ATP2B4: variants seen among roughly 807,000 people sequenced by gnomAD.
ATP2B4 encodes the protein plasma membrane calcium-transporting ATPase 4.
In ATP2B4, 39 loss-of-function variants were observed where a neutral mutation model predicts 110.3. The observed-to-expected ratio is 0.35, with a 90% CI of 0.27 to 0.46. The LOEUF is 0.46. ATP2B4 is among the 20% of genes least tolerant of loss of function. The pLI, the probability that ATP2B4 is intolerant of heterozygous loss-of-function variation, is 1.00. For synonymous variants in ATP2B4, 538 were observed against 571.7 expected, an observed-to-expected ratio of 0.94 and a Z score of 0.84; for missense variants, 1,135 against 1,530.9, an observed-to-expected ratio of 0.74 and a Z score of 4.32.
At chr1:203,643,440 GC>G (rs1339660525) in intron 1 of ATP2B4, among the ~76,000 whole-genome samples, 1 of 152,186 alleles carries the variant, frequency 6.6e-6, no homozygotes, top group East Asian at 1.9e-4. Flanking sequence ...GAATTGAGCT[GC>G]CCCTGGATAA....
In ATP2B4 at chr1:203,683,297, A is replaced by G; in HGVS notation, c.92A>G (p.Lys31Arg). The change falls in exon 2 of 21, where the codon AAG (lysine) becomes AGG (arginine). Residue 31 changes from lysine to arginine, a missense_variant. This residue lies in a region of ATP2B4 where 122 missense variants were observed against 125.2 expected (regional missense o/e 0.97). Coordinates refer to ENST00000357681, the MANE Select transcript of ATP2B4 (RefSeq NM_001684.5). ...DFGCTVMELR[K>R]LMELRSRDAL... is the part of the protein sequence containing the mutation. ...GGCTGCACAGTAATGGAACTGAGGA[A>G]GCTCATGGAGCTGCGTTCAAGGGAT... 1 of 1,614,228 alleles carries G rather than the reference A, an allele frequency of 6.2e-7. No individual in the cohort carries two copies. The highest frequency in any genetic ancestry group is 8.5e-7 in the Non-Finnish European group (1 of 1,180,040).
At chr1:203,669,672 G>A (rs1015075209) in intron 1 of ATP2B4, among the ~76,000 whole-genome samples, 24 of 152,068 alleles carry the variant, frequency 1.6e-4, no homozygotes, top group African/African-American at 5.8e-4. Context: ...CCCGACCTCA[G>A]GTGATCTGCC....
intron 2 of ATP2B4, among the ~76,000 whole-genome samples, chr1:203,691,975 G>A (rs1358494152): frequency 2.6e-5 from 4 of 151,904 alleles, no homozygotes; most frequent in South Asian, 2.1e-4. Flanking sequence ...TCCGCCTCCC[G>A]TGTTCACACC....
intron 1 of ATP2B4, among the ~76,000 whole-genome samples, chr1:203,682,527 C>T (rs762743285): frequency 1.1e-4 from 17 of 152,100 alleles, no homozygotes; most frequent in Non-Finnish European, 2.4e-4. Flanking sequence ...TACTCCTCTA[C>T]ATTGGAGTTT....
At chr1:203,714,594 G>A (rs1414069106) in intron 15 of ATP2B4, among the ~76,000 whole-genome samples, 3 of 152,174 alleles carry the variant, frequency 2.0e-5, no homozygotes, top group African/African-American at 4.8e-5. Context: ...TATGGTAGGC[G>A]CTCTGTGTGG....
intron 1 of ATP2B4, among the ~76,000 whole-genome samples, chr1:203,675,625 C>T (rs768268103): frequency 5.3e-5 from 8 of 152,014 alleles, no homozygotes; most frequent in Non-Finnish European, 8.8e-5. Context: ...ACGTTTTCTC[C>T]GATTAGATGC....
Position 203,724,865 on chromosome 1 carries a change from C to CTCTTTTTT in ATP2B4, c.3132+878_3132+879insCTTTTTTT, listed in dbSNP as rs1214526316. Among the ~76,000 whole-genome samples, 32 of 101,486 alleles carry CTCTTTTTT rather than the reference C, an allele frequency of 3.2e-4. 3 individuals carry two copies. The highest frequency in any genetic ancestry group is 4.5e-4 in the African/African-American group (11 of 24,308). 66.6% of individuals were successfully genotyped at this position (101,486 alleles called of 152,430 possible). On this transcript the variant is annotated intron_variant, in intron 19 of 20. Transcript: ENST00000357681. The stretch of plus-strand genomic sequence containing the variant: ...ACTGCCTGGGTTTGAATCCAGCTCT[C>CTCTTTTTT]TGTTTTTTTTTTTTTTTTTTTTTTT...
chr1:203,657,864 C>G lies in ATP2B4; in HGVS notation c.-464-24878C>G, dbSNP rs1402681748. 4 of 351,070 alleles carry G rather than the reference C, an allele frequency of 1.1e-5. No homozygotes were observed. In the South Asian group the frequency reaches 1.7e-4, roughly 15 times the overall value. The allele number at this position is 351,070 out of a possible 1,614,324, so 21.7% of individuals were successfully genotyped here. A position where few individuals can be genotyped will look rare whatever the true frequency, so the allele number is the denominator to read the frequency against. ...GCAGGCCGGGACAGGAAAGGGTCAC[C>G]CTTTTTTAAAAATATTTGTAGTAGA... On this transcript the variant is annotated intron_variant, in intron 1 of 20. Transcript: ENST00000357681.
At chr1:203,700,121 T>C in intron 4 of ATP2B4, 85 bp from the exon 5 acceptor site, 2 of 1,479,492 alleles carry the variant, frequency 1.4e-6, no homozygotes, top group East Asian at 2.3e-5. Context: ...AGCCATGAGA[T>C]AGGGTTGAAG....
chr1:203,683,995 T>C (rs1665100317), intron 2 of ATP2B4, among the ~76,000 whole-genome samples: 1 of 152,144 alleles, frequency 6.6e-6, no homozygotes, highest in African/African-American at 2.4e-5. Flanking sequence ...TTCTCCTTTT[T>C]CTGTATCAGT....
chr1:203,682,205 A>G (rs555386533), intron 1 of ATP2B4, among the ~76,000 whole-genome samples: 1 of 152,314 alleles, frequency 6.6e-6, no homozygotes, highest in East Asian at 1.9e-4. Context: ...AGATTTTGAC[A>G]TCTTCTATCA....
In ATP2B4 at chr1:203,683,404, G is replaced by A. The variant is rs1261206203; in HGVS notation, c.193+6G>A. 3 of 1,598,654 alleles carry A rather than the reference G, an allele frequency of 1.9e-6. No individual in the cohort carries two copies. The highest frequency in any genetic ancestry group is 1.1e-5 in the South Asian group (1 of 89,220). On this transcript the variant is annotated splice_donor_region_variant and intron_variant, in intron 2 of 20. Transcript: ENST00000357681. ...GAAAACCTCCCCTGTGGAAGGTAAA[G>A]GCCATATCAGGGGTGGGGAGTTGGA...
At chr1:203,630,369 CTT>C (rs869129746) in intron 1 of ATP2B4, among the ~76,000 whole-genome samples, 129 of 14,962 alleles carry the variant, frequency 8.6e-3, no homozygotes, top group African/African-American at 0.013. Context: ...CTCTCTCTCT[CTT>C]TTTTTTTTTT....
chr1:203,645,867 G>A (rs1232892481), intron 1 of ATP2B4, among the ~76,000 whole-genome samples: 1 of 152,108 alleles, frequency 6.6e-6, no homozygotes, highest in Non-Finnish European at 1.5e-5. Context: ...GGGATTACAG[G>A]CGTGAGCCAC....
intron 15 of ATP2B4, 102 bp downstream of exon 15, chr1:203,714,379 A>T: frequency 1.6e-6 from 2 of 1,261,016 alleles, no homozygotes; most frequent in South Asian, 1.2e-5. Flanking sequence ...TGCATAGCCC[A>T]TGGGGTGCTT....
chr1:203,729,718 G>T (rs769764364), intron 20 of ATP2B4: 9 of 1,349,906 alleles, frequency 6.7e-6, no homozygotes, highest in Non-Finnish European at 8.9e-6. Context: ...TTCCTGGGGA[G>T]CCCTGAGCAC....
intron 1 of ATP2B4, among the ~76,000 whole-genome samples, chr1:203,668,837 T>C (rs1390620433): frequency 1.3e-5 from 2 of 152,068 alleles, no homozygotes; most frequent in African/African-American, 4.8e-5. Context: ...CCTGGAGATG[T>C]GGGAAAAGAG....
At chr1:203,662,382 G>A (rs140368013) in intron 1 of ATP2B4, among the ~76,000 whole-genome samples, 2 of 152,154 alleles carry the variant, frequency 1.3e-5, no homozygotes, top group Non-Finnish European at 2.9e-5. Context: ...TCCCAGTGTA[G>A]GTTTCCCATC....
chr1:203,680,587 C>G (rs1272029575), intron 1 of ATP2B4, among the ~76,000 whole-genome samples: 1 of 124,130 alleles, frequency 8.1e-6, no homozygotes, highest in Admixed American at 1.0e-4. Context: ...CCAGCCTGGG[C>G]GACAGAGTGA....
Sources: allele counts gnomAD v4.1 joint callset (sites outside exome capture counted in the v4.1 genomes callset), GRCh38; gene constraint gnomAD v4.1.1; regional missense constraint gnomAD v4.1.1; transcripts MANE v1.5; gene names NCBI Gene and HGNC (gene_info 2026-07-23, HGNC 2026-07-21).